SLC35F3: variants seen among roughly 807,000 people sequenced by gnomAD.
SLC35F3 encodes putative thiamine transporter SLC35F3.
In SLC35F3, 25 loss-of-function variants were observed where a neutral mutation model predicts 49.9. The observed-to-expected ratio is 0.50, with a 90% CI of 0.37 to 0.70. SLC35F3 has a LOEUF of 0.70. SLC35F3 is among the 30% of genes least tolerant of loss of function. The probability of loss-of-function intolerance (pLI) is 0.00; values close to 1 mark genes in which losing one functional copy is unlikely to be tolerated. For missense variants in SLC35F3, 525 were observed against 639.8 expected (o/e 0.82, Z 1.94); for synonymous variants, 275 against 265.4 (o/e 1.04, Z -0.35).
At chr1:234,166,468 A>T (rs564497613) in intron 2 of SLC35F3, among the ~76,000 whole-genome samples, 4 of 152,218 alleles carry the variant, frequency 2.6e-5, no homozygotes, top group Non-Finnish European at 5.9e-5. Flanking sequence ...AGATCATTTC[A>T]TCTCCACTAT....
chr1:234,038,462 C>G (rs1664176090), intron 2 of SLC35F3, among the ~76,000 whole-genome samples: 2 of 151,768 alleles, frequency 1.3e-5, no homozygotes, highest in South Asian at 2.1e-4. Flanking sequence ...GATTTATAGT[C>G]CTTTGGGTAT....
chr1:234,059,919 G>A (rs532243650), intron 2 of SLC35F3, among the ~76,000 whole-genome samples: 10 of 152,276 alleles, frequency 6.6e-5, no homozygotes, highest in African/African-American at 1.7e-4. Flanking sequence ...ATTAGATGGT[G>A]CCCACTGAAT....
chr1:233,996,134 A>G (rs950458738), intron 2 of SLC35F3, among the ~76,000 whole-genome samples: 1 of 152,170 alleles, frequency 6.6e-6, no homozygotes, highest in Non-Finnish European at 1.5e-5. Context: ...GATTCAACCA[A>G]TCAAGAATTG....
At chr1:234,097,517 T>C (rs1201714034) in intron 2 of SLC35F3, among the ~76,000 whole-genome samples, 1 of 152,120 alleles carries the variant, frequency 6.6e-6, no homozygotes, top group Non-Finnish European at 1.5e-5. Flanking sequence ...AGCTGGAATT[T>C]GAACCAAAGT....
chr1:234,278,734 C>T (rs77276814), intron 3 of SLC35F3, among the ~76,000 whole-genome samples: 9,167 of 152,074 alleles, frequency 0.06, 329 homozygotes, highest in African/African-American at 0.098. Flanking sequence ...ACCTATTTCC[C>T]GGTTTGCAGA....
intron 2 of SLC35F3, among the ~76,000 whole-genome samples, chr1:233,912,797 G>C (rs1314694871): frequency 6.6e-6 from 1 of 152,190 alleles, no homozygotes; most frequent in Non-Finnish European, 1.5e-5. Flanking sequence ...TTCAAAACTT[G>C]TGATATGTTT....
At chr1:234,262,397 TTGAGAATACA>T (rs950831548) in intron 3 of SLC35F3, among the ~76,000 whole-genome samples, 1 of 152,212 alleles carries the variant, frequency 6.6e-6, no homozygotes, top group Non-Finnish European at 1.5e-5. Flanking sequence ...AAGAAATACT[TTGAGAATACA>T]TGCATTAATG....
At chr1:234,241,858 C>T (rs1667559370) in intron 3 of SLC35F3, among the ~76,000 whole-genome samples, 1 of 152,048 alleles carries the variant, frequency 6.6e-6, no homozygotes, top group Non-Finnish European at 1.5e-5. Flanking sequence ...TAACAGTGGT[C>T]ACTGGTACCC....
intron 2 of SLC35F3, among the ~76,000 whole-genome samples, chr1:234,195,260 C>T (rs1239390674): frequency 2.0e-5 from 3 of 152,206 alleles, no homozygotes; most frequent in Non-Finnish European, 4.4e-5. Context: ...CCATCCCAGC[C>T]TCCTGTGTGC....
chr1:233,991,999 T>C (rs901381811), intron 2 of SLC35F3, among the ~76,000 whole-genome samples: 2 of 152,190 alleles, frequency 1.3e-5, no homozygotes, highest in Admixed American at 1.3e-4. Context: ...CTCCATTGCA[T>C]TGATAAGAAA....
chr1:234,181,703 C>G lies in SLC35F3; in HGVS notation c.284-49714C>G, dbSNP rs1666559809. On this transcript the variant is annotated intron_variant, in intron 2 of 7. Coordinates refer to ENST00000366618, the MANE Select transcript of SLC35F3 (RefSeq NM_173508.4). ...GTCATTTACCATGTTATTTTGTCCTCCGTATTTCCTGTAAGTTGATAATTA... is the reference window on the plus strand; with the variant it reads ...GTCATTTACCATGTTATTTTGTCCTGCGTATTTCCTGTAAGTTGATAATTA... Among the ~76,000 whole-genome samples the G allele has an allele frequency of 2.0e-5, 3 of 152,102 alleles. No individual in the cohort carries two copies. In the South Asian group the frequency reaches 6.3e-4, roughly 32 times the overall value.
intron 3 of SLC35F3, among the ~76,000 whole-genome samples, chr1:234,240,062 G>A (rs1030736991): frequency 5.9e-5 from 9 of 152,146 alleles, no homozygotes; most frequent in East Asian, 1.9e-4. Context: ...GACTCCTAAC[G>A]TGGATACCAA....
intron 2 of SLC35F3, among the ~76,000 whole-genome samples, chr1:234,148,837 G>T (rs1666032738): frequency 6.6e-6 from 1 of 152,098 alleles, no homozygotes. Context: ...TGATGAACTG[G>T]ATATGAGGGA....
chr1:234,242,311 A>T (rs1465228003), intron 3 of SLC35F3, among the ~76,000 whole-genome samples: 2 of 152,142 alleles, frequency 1.3e-5, no homozygotes, highest in Non-Finnish European at 2.9e-5. Context: ...AGCCTGCTCT[A>T]GATCTGGTCC....
At chr1:234,108,582 T>A (rs1255185423) in intron 2 of SLC35F3, among the ~76,000 whole-genome samples, 11 of 115,324 alleles carry the variant, frequency 9.5e-5, no homozygotes, top group East Asian at 2.5e-4. Context: ...TTTATATATA[T>A]AAAAGATATA....
intron 2 of SLC35F3, among the ~76,000 whole-genome samples, chr1:234,069,189 T>C (rs1664676041): frequency 7.1e-6 from 1 of 140,408 alleles, no homozygotes; most frequent in South Asian, 2.1e-4. Flanking sequence ...TAAAATTTTA[T>C]ATATAAATAC....
At chr1:233,961,811 C>T (rs1004563658) in intron 2 of SLC35F3, among the ~76,000 whole-genome samples, 4 of 152,116 alleles carry the variant, frequency 2.6e-5, no homozygotes, top group Non-Finnish European at 5.9e-5. Context: ...CTCTCTAGCT[C>T]ATTATAATAA....
chr1:233,910,635 T>A (rs1319556006), intron 2 of SLC35F3, among the ~76,000 whole-genome samples: 1 of 152,172 alleles, frequency 6.6e-6, no homozygotes, highest in Non-Finnish European at 1.5e-5. Flanking sequence ...AAGGTTTCCC[T>A]AAAGGATGTT....
intron 2 of SLC35F3, among the ~76,000 whole-genome samples, chr1:234,166,843 C>T (rs1441147536): frequency 6.6e-6 from 1 of 152,218 alleles, no homozygotes; most frequent in African/African-American, 2.4e-5. Context: ...TCTCAGTTCA[C>T]CGTTCTTCAG....
Sources: allele counts gnomAD v4.1 joint callset (sites outside exome capture counted in the v4.1 genomes callset), GRCh38; gene constraint gnomAD v4.1.1; transcripts MANE v1.5; gene names NCBI Gene and HGNC (gene_info 2026-07-23, HGNC 2026-07-21).